The following TMTC1 variants were observed in gnomAD, a reference collection of about 807,000 sequenced individuals.
The protein encoded by TMTC1 is protein O-mannosyl-transferase TMTC1.
A neutral mutation model predicts 104.8 loss-of-function variants in TMTC1; 73 were observed. The observed-to-expected ratio is 0.70, with a 90% CI of 0.58 to 0.85. The LOEUF (loss-of-function observed/expected upper bound fraction) is 0.85. TMTC1 is among the 40% of genes least tolerant of loss of function. The pLI, the probability that TMTC1 is intolerant of heterozygous loss-of-function variation, is 0.00. For missense variants in TMTC1, 1,035 were observed against 1,096.1 expected (o/e 0.94, Z 0.79); for synonymous variants, 434 against 428.7 (o/e 1.01, Z -0.15).
intron 5 of TMTC1, among the ~76,000 whole-genome samples, chr12:29,669,210 G>A (rs567979283): frequency 1.3e-5 from 2 of 151,816 alleles, no homozygotes; most frequent in East Asian, 1.9e-4. Context: ...AGATTGAGAG[G>A]GCAAGCTCAG....
At position 29,583,587 on chromosome 12, in the gene TMTC1, G is replaced by T. The variant is rs1279247830; in HGVS notation, c.1251-13C>A. ...GCAGTAGCCCATGCTGGAAAACAGG[G>T]TGGAAGGAACGGGATTACTTTGGGG... On this transcript the variant is annotated splice_polypyrimidine_tract_variant and intron_variant, in intron 7 of 17. Transcript: ENST00000539277. The T allele has an allele frequency of 1.2e-6, 2 of 1,610,460 alleles. No homozygotes were observed. Among genetic ancestry groups the T allele is most frequent in the South Asian group, 2.2e-5 (2 of 90,388 alleles).
chr12:29,610,639 C>T (rs1275063963), intron 6 of TMTC1, among the ~76,000 whole-genome samples: 1 of 152,152 alleles, frequency 6.6e-6, no homozygotes. Flanking sequence ...CTGCCACACA[C>T]CTTGGTGAAA....
intron 6 of TMTC1, among the ~76,000 whole-genome samples, chr12:29,605,571 TA>T (rs34353381): frequency 0.13 from 12,983 of 101,824 alleles, 564 homozygotes; most frequent in Middle Eastern, 0.24. Context: ...CCAAAAAGGG[TA>T]AAAAAAAAAA....
intron 5 of TMTC1, among the ~76,000 whole-genome samples, chr12:29,695,005 C>T (rs755434421): frequency 8.5e-5 from 13 of 152,064 alleles, no homozygotes; most frequent in Non-Finnish European, 1.5e-4. Flanking sequence ...TTTTGGAGAC[C>T]AGAAGTTCAA....
At chr12:29,765,145 T>C (rs1026120862) in intron 2 of TMTC1, among the ~76,000 whole-genome samples, 1 of 152,218 alleles carries the variant, frequency 6.6e-6, no homozygotes, top group Non-Finnish European at 1.5e-5. Flanking sequence ...CTTTGATTAT[T>C]TTTCTTCATA....
At chr12:29,740,004 C>A (rs1942783362) in intron 5 of TMTC1, among the ~76,000 whole-genome samples, 1 of 151,638 alleles carries the variant, frequency 6.6e-6, no homozygotes, top group Admixed American at 6.6e-5. Context: ...CTGCTCCCAG[C>A]CCCCATCTTT....
chr12:29,780,643 C>T (rs1943814139), intron 1 of TMTC1, among the ~76,000 whole-genome samples: 1 of 142,728 alleles, frequency 7.0e-6, no homozygotes, highest in Admixed American at 7.9e-5. Context: ...AAACTAAATA[C>T]ACACTTAGTA....
chr12:29,713,554 C>T (rs172543), intron 5 of TMTC1, among the ~76,000 whole-genome samples: 106,405 of 151,838 alleles, frequency 0.7, 38,130 homozygotes, highest in Middle Eastern at 0.79. Context: ...ACACAATATT[C>T]TGAAAATCCT....
chr12:29,718,732 G>A (rs1942150045), intron 5 of TMTC1, among the ~76,000 whole-genome samples: 1 of 152,044 alleles, frequency 6.6e-6, no homozygotes, highest in East Asian at 1.9e-4. Flanking sequence ...AGGAGATCGA[G>A]ACCATCCTGG....
chr12:29,613,209 G>T (rs1946890287), intron 6 of TMTC1, among the ~76,000 whole-genome samples: 1 of 152,166 alleles, frequency 6.6e-6, no homozygotes, highest in Non-Finnish European at 1.5e-5. Context: ...ATGTGTCCAT[G>T]TGCATTGAGA....
intron 5 of TMTC1, among the ~76,000 whole-genome samples, chr12:29,668,454 CTTTTTTTTT>C (rs66652706): frequency 3.3e-5 from 3 of 90,096 alleles, no homozygotes; most frequent in South Asian, 4.0e-4. Context: ...ACCAACTTAT[CTTTTTTTTT>C]TTTTTTTTTT....
intron 9 of TMTC1, among the ~76,000 whole-genome samples, chr12:29,558,817 T>C (rs1370839285): frequency 6.6e-6 from 1 of 152,192 alleles, no homozygotes; most frequent in East Asian, 1.9e-4. Flanking sequence ...GTGCTCTCTC[T>C]GAGATGCCTT....
intron 10 of TMTC1, among the ~76,000 whole-genome samples, chr12:29,539,691 A>G (rs1304068131): frequency 1.3e-5 from 2 of 152,236 alleles, no homozygotes; most frequent in Non-Finnish European, 2.9e-5. Context: ...TGTGCTTTAA[A>G]AAAGACTTTA....
At chr12:29,507,110 G>T (rs1176164950) in intron 17 of TMTC1, 124 bp from the exon 18 acceptor site, 2 of 763,256 alleles carry the variant, frequency 2.6e-6, no homozygotes, top group Admixed American at 2.5e-5. Flanking sequence ...TGGAAACTCT[G>T]TCTGTATGTG....
intron 2 of TMTC1, among the ~76,000 whole-genome samples, chr12:29,764,008 T>A (rs1447728696): frequency 6.6e-6 from 1 of 152,168 alleles, no homozygotes; most frequent in African/African-American, 2.4e-5. Flanking sequence ...TGTAGGATGC[T>A]GGAAAGTACA....
At chr12:29,623,576 A>C (rs1044878894) in intron 6 of TMTC1, among the ~76,000 whole-genome samples, 24 of 152,220 alleles carry the variant, frequency 1.6e-4, no homozygotes, top group African/African-American at 5.3e-4. Context: ...ACACTTTGGG[A>C]GGCCGAGGCG....
intron 8 of TMTC1, among the ~76,000 whole-genome samples, chr12:29,582,100 G>A (rs10492312): frequency 0.4 from 60,150 of 152,040 alleles, 12,803 homozygotes; most frequent in African/African-American, 0.55. Context: ...CATAAATAAA[G>A]TAATAGGACA....
chr12:29,736,080 G>A (rs560376214), intron 5 of TMTC1, among the ~76,000 whole-genome samples: 5 of 152,206 alleles, frequency 3.3e-5, no homozygotes, highest in African/African-American at 1.2e-4. Flanking sequence ...TCAACTGTAT[G>A]ACCAGATTAA....
chr12:29,536,056 T>A, intron 11 of TMTC1, 153 bp downstream of exon 11: 1 of 620,576 alleles, frequency 1.6e-6, no homozygotes, highest in Non-Finnish European at 2.8e-6. Flanking sequence ...AGTGAGAAAA[T>A]TAGGCTTGTA....
Sources: gnomAD v4.1 joint callset for allele counts (sites outside exome capture counted in the v4.1 genomes callset) on GRCh38, gnomAD v4.1.1 for gene constraint, MANE v1.5 for transcripts, NCBI Gene and HGNC (gene_info 2026-07-23, HGNC 2026-07-21) for gene names.